CARMIL1: variants seen among roughly 807,000 people sequenced by gnomAD.
CARMIL1 encodes F-actin-uncapping protein LRRC16A.
A neutral mutation model predicts 177.1 loss-of-function variants in CARMIL1; 90 were observed. That is an observed-to-expected ratio of 0.51 (90% CI 0.43 to 0.61). The LOEUF (loss-of-function observed/expected upper bound fraction) is 0.61. Ranked by LOEUF, CARMIL1 falls within the 20% of genes least tolerant of loss-of-function variation. The pLI is 0.00. For missense variants in CARMIL1, 1,380 were observed against 1,667.0 expected, an observed-to-expected ratio of 0.83 and a Z score of 3.00; for synonymous variants, 577 against 606.2, an observed-to-expected ratio of 0.95 and a Z score of 0.71.
At chr6:25,514,943 A>C (rs1041497414) in intron 20 of CARMIL1, among the ~76,000 whole-genome samples, 4 of 150,672 alleles carry the variant, frequency 2.7e-5, no homozygotes, top group Admixed American at 1.3e-4. Context: ...AAAAAAAAAA[A>C]GATAAAATTA....
intron 2 of CARMIL1, among the ~76,000 whole-genome samples, chr6:25,387,658 T>C (rs1792314740): frequency 6.6e-6 from 1 of 152,212 alleles, no homozygotes; most frequent in South Asian, 2.1e-4. Context: ...ATTCATGAGA[T>C]TCAACCAATG....
chr6:25,502,026 A>C (rs908676016), intron 17 of CARMIL1, among the ~76,000 whole-genome samples: 1 of 151,186 alleles, frequency 6.6e-6, no homozygotes, highest in African/African-American at 2.4e-5. Context: ...AAACAATAGA[A>C]CTCTAAAAAA....
At chr6:25,420,204 A>G (rs1054803475) in intron 3 of CARMIL1, 40 bp downstream of exon 3, 60 of 1,564,332 alleles carry the variant, frequency 3.8e-5, no homozygotes, top group Non-Finnish European at 5.2e-5. Context: ...ACTCACACTC[A>G]CTCATACCCA....
At chr6:25,547,355 G>A (rs1039160308) in intron 26 of CARMIL1, among the ~76,000 whole-genome samples, 88 of 152,020 alleles carry the variant, frequency 5.8e-4, no homozygotes, top group African/African-American at 1.9e-3. Flanking sequence ...AAATAGCCCA[G>A]ACACATATAA....
chr6:25,549,879 A>G (rs940611499), intron 26 of CARMIL1, among the ~76,000 whole-genome samples: 1 of 152,224 alleles, frequency 6.6e-6, no homozygotes, highest in Non-Finnish European at 1.5e-5. Flanking sequence ...AGCTTTTAAT[A>G]TCTGTGATAT....
intron 2 of CARMIL1, among the ~76,000 whole-genome samples, chr6:25,325,335 G>C (rs1054088217): frequency 1.3e-5 from 2 of 152,086 alleles, no homozygotes; most frequent in Non-Finnish European, 2.9e-5. Context: ...GCTTAATCTG[G>C]GAATATTTGT....
intron 33 of CARMIL1, 21 bp from the exon 34 acceptor site, chr6:25,604,791 G>A: frequency 1.3e-6 from 2 of 1,556,634 alleles, no homozygotes; most frequent in South Asian, 1.2e-5. Context: ...TTTTTGGGGG[G>A]ATGGTGCTTG....
intron 35 of CARMIL1, among the ~76,000 whole-genome samples, chr6:25,609,323 T>A (rs1433375404): frequency 1.3e-5 from 2 of 151,792 alleles, no homozygotes; most frequent in African/African-American, 4.8e-5. Flanking sequence ...AAAATTAGCC[T>A]GGCATGGTGG....
At chr6:25,286,889 G>A (rs375691361) in intron 2 of CARMIL1, among the ~76,000 whole-genome samples, 71 of 152,062 alleles carry the variant, frequency 4.7e-4, no homozygotes, top group African/African-American at 1.7e-3. Flanking sequence ...AAGTTTTTTT[G>A]GCCTCATCTA....
chr6:25,583,403 G>T (rs530439843), intron 31 of CARMIL1, among the ~76,000 whole-genome samples: 2 of 152,080 alleles, frequency 1.3e-5, no homozygotes, highest in East Asian at 3.9e-4. Context: ...ATCACACAGA[G>T]TTTTCTCAGC....
intron 2 of CARMIL1, among the ~76,000 whole-genome samples, chr6:25,305,409 C>T (rs537563915): frequency 6.6e-6 from 1 of 152,182 alleles, no homozygotes; most frequent in Non-Finnish European, 1.5e-5. Context: ...GTCCTCCTTT[C>T]TTTGGGTTTC....
At chr6:25,568,388 G>A (rs3804125) in intron 29 of CARMIL1, among the ~76,000 whole-genome samples, 25,591 of 152,120 alleles carry the variant, frequency 0.17, 2,424 homozygotes, top group East Asian at 0.4. Flanking sequence ...AAGGATCAGC[G>A]CCCAGCCTAG....
intron 5 of CARMIL1, among the ~76,000 whole-genome samples, chr6:25,442,860 T>C (rs1797905934): frequency 6.6e-6 from 1 of 152,184 alleles, no homozygotes; most frequent in Admixed American, 6.5e-5. Flanking sequence ...GATTTCCCCT[T>C]AACCCTGAGT....
At position 25,284,904 on chromosome 6, in the gene CARMIL1, G is replaced by A. The variant is rs1286158071; in HGVS notation, c.133G>A (p.Val45Met). 1.6e-5 allele frequency: 25 copies of A among 1,539,148 alleles called. No homozygotes were observed. Among genetic ancestry groups the A allele is most frequent in the Admixed American group, 1.9e-5 (1 of 52,604 alleles). ...TAAGGGAGACAAAGTTGAAAACAAA[G>A]TGCTGGTAAGTATTGCTGTTTATTT... ...EVKGDKVENK[V>M]LVLTSCRAFL... Residue 45 changes from valine to methionine, a missense_variant, in exon 2 of 37, where the codon GTG (valine) becomes ATG (methionine). Transcript: ENST00000329474.
chr6:25,329,821 G>T (rs2150272051), intron 2 of CARMIL1, among the ~76,000 whole-genome samples: 1 of 152,298 alleles, frequency 6.6e-6, no homozygotes, highest in East Asian at 1.9e-4. Context: ...AGATAACAGG[G>T]ATATCTGTCC....
intron 2 of CARMIL1, among the ~76,000 whole-genome samples, chr6:25,361,383 C>A (rs6905765): frequency 2.0e-5 from 3 of 151,912 alleles, no homozygotes; most frequent in Non-Finnish European, 2.9e-5. Flanking sequence ...CCTTTCCCCC[C>A]CTGCACACTC....
chr6:25,539,549 C>T (rs370214824), intron 25 of CARMIL1, among the ~76,000 whole-genome samples: 1 of 145,920 alleles, frequency 6.9e-6, no homozygotes, highest in Admixed American at 7.2e-5. Context: ...CGCTTGAACC[C>T]GGGAGGCGGA....
At chr6:25,547,809 C>T (rs1809662314) in intron 26 of CARMIL1, among the ~76,000 whole-genome samples, 1 of 152,152 alleles carries the variant, frequency 6.6e-6, no homozygotes, top group South Asian at 2.1e-4. Flanking sequence ...AAGTCACTAA[C>T]TTCTTGAGCA....
chr6:25,348,196 G>A (rs1426131713), intron 2 of CARMIL1, among the ~76,000 whole-genome samples: 3 of 151,818 alleles, frequency 2.0e-5, no homozygotes, highest in South Asian at 2.1e-4. Flanking sequence ...GCAATGGTGC[G>A]ATCTTGGCCC....
Sources: gnomAD v4.1 joint callset for allele counts (sites outside exome capture counted in the v4.1 genomes callset) on GRCh38, gnomAD v4.1.1 for gene constraint, MANE v1.5 for transcripts, NCBI Gene and HGNC (gene_info 2026-07-23, HGNC 2026-07-21) for gene names.